ACTN2: variants seen among roughly 807,000 people sequenced by gnomAD.
ACTN2 encodes the protein actinin alpha 2.
In ACTN2, 39 loss-of-function variants were observed where a neutral mutation model predicts 113.8. The ratio of observed to expected loss-of-function variants is 0.34; its 90% CI spans 0.27 to 0.45. The LOEUF (loss-of-function observed/expected upper bound fraction) is 0.45. ACTN2 is among the 20% of genes least tolerant of loss of function. ACTN2 has a pLI of 1.00. For synonymous variants in ACTN2, 429 were observed against 444.1 expected, an observed-to-expected ratio of 0.97 and a Z score of 0.43; for missense variants, 992 against 1,177.9, an observed-to-expected ratio of 0.84 and a Z score of 2.31.
intron 1 of ACTN2, among the ~76,000 whole-genome samples, chr1:236,707,396 G>C (rs1242215618): frequency 6.6e-6 from 1 of 152,186 alleles, no homozygotes; most frequent in East Asian, 1.9e-4. Flanking sequence ...AGTTATTGGA[G>C]GCGGAATATC....
intron 8 of ACTN2, among the ~76,000 whole-genome samples, chr1:236,736,294 G>A (rs570296765): frequency 6.6e-6 from 1 of 152,340 alleles, no homozygotes; most frequent in South Asian, 2.1e-4. Flanking sequence ...CTCCTTGGAG[G>A]ATCTTGATAG....
chr1:236,743,086 T>A (rs112534044), intron 11 of ACTN2, 43 bp downstream of exon 11: 16 of 1,611,158 alleles, frequency 9.9e-6, no homozygotes, highest in African/African-American at 9.3e-5. Context: ...AAAACCAGAG[T>A]TGAGCCATGC....
At position 236,757,486 on chromosome 1, in the gene ACTN2, C is replaced by G; in HGVS notation, c.2155C>G (p.His719Asp). The stretch of plus-strand genomic sequence containing the variant: ...GATCTTTCCCCTTTTCCCTCAATAG[C>G]ACATTCGTGTTGGATGGGAGCTGCT... ...DNKHTNYTME[H>D]IRVGWELLLT... Residue 719 changes from histidine to aspartate, a missense_variant and splice_region_variant, in exon 18 of 21, where the codon CAC becomes GAC. Coordinates refer to ENST00000366578, the MANE Select transcript of ACTN2 (RefSeq NM_001103.4). 6.2e-7 allele frequency: 1 copy of G among 1,614,112 alleles called. No homozygotes were observed. Among genetic ancestry groups the G allele is most frequent in the Non-Finnish European group, 8.5e-7 (1 of 1,180,002 alleles).
intron 7 of ACTN2, among the ~76,000 whole-genome samples, chr1:236,735,225 C>T (rs952509021): frequency 6.6e-6 from 1 of 152,140 alleles, no homozygotes; most frequent in South Asian, 2.1e-4. Flanking sequence ...GAATATTCCC[C>T]GCATCTTGCA....
intron 1 of ACTN2, among the ~76,000 whole-genome samples, chr1:236,709,235 T>C (rs1309230900): frequency 2.5e-5 from 2 of 80,324 alleles, no homozygotes; most frequent in Non-Finnish European, 5.9e-5. Flanking sequence ...TATATATATA[T>C]ATATATATAT....
intron 13 of ACTN2, chr1:236,748,053 C>G (rs1323967177): frequency 2.6e-6 from 1 of 385,890 alleles, no homozygotes; most frequent in Non-Finnish European, 4.9e-6. Context: ...CTGGTAGTAA[C>G]AGTACGTTTC....
chr1:236,742,968 C>A lies in ACTN2; in HGVS notation c.1180C>A (p.Arg394=). 6.2e-7 allele frequency: 1 copy of A among 1,614,106 alleles called. No individual in the cohort carries two copies. The highest frequency in any genetic ancestry group is 8.5e-7 in the Non-Finnish European group (1 of 1,180,028). The change falls in exon 11 of 21, where the codon CGG becomes AGG. Residue 394 remains arginine, a synonymous_variant. Coordinates refer to ENST00000366578, the MANE Select transcript of ACTN2 (RefSeq NM_001103.4). ...CGAGGAGTGGTTGCTCAATGAGATT[C>A]GGAGACTGGAGCGCTTGGAACACCT... The part of the protein sequence containing the change: ...GYEEWLLNEI[R]RLERLEHLAE...
chr1:236,717,007 G>C (rs995270540), intron 1 of ACTN2, among the ~76,000 whole-genome samples: 2 of 151,650 alleles, frequency 1.3e-5, no homozygotes, highest in Non-Finnish European at 2.9e-5. Flanking sequence ...GCTAATTTTT[G>C]TATTTTTAGT....
intron 11 of ACTN2, among the ~76,000 whole-genome samples, chr1:236,743,796 T>C (rs1447839722): frequency 6.6e-6 from 1 of 152,204 alleles, no homozygotes; most frequent in South Asian, 2.1e-4. Context: ...TTCTGATGCA[T>C]AGCAGCTGTG....
intron 1 of ACTN2, 26 bp downstream of exon 1, chr1:236,686,825 G>A (rs771748768): frequency 8.3e-6 from 12 of 1,450,624 alleles, no homozygotes; most frequent in Non-Finnish European, 1.0e-5. Context: ...CGGGCCGCCC[G>A]CGCGTGGTGG....
Position 236,758,780 on chromosome 1 carries a change from T to C in ACTN2, c.2302-944T>C, listed in dbSNP as rs568594746. 1.2e-4 allele frequency among the ~76,000 whole-genome samples: 19 copies of C among 152,166 alleles called. No homozygotes were observed. In the East Asian group the frequency reaches 2.5e-3, roughly 20 times the overall value. ...GATTACAGGCATATGCCACCATGCC[T>C]GGCTAATTTTTTGTATTTTTACTAG... On this transcript the variant is annotated intron_variant, in intron 18 of 20. Transcript: ENST00000366578.
At chr1:236,742,821 A>G in intron 10 of ACTN2, 75 bp from the exon 11 acceptor site, 1 of 1,581,558 alleles carries the variant, frequency 6.3e-7, no homozygotes, top group Non-Finnish European at 8.7e-7. Flanking sequence ...GGATTTATAG[A>G]AGAAGCCTGA....
intron 8 of ACTN2, among the ~76,000 whole-genome samples, 194 bp downstream of exon 8, chr1:236,735,914 G>A (rs1304653740): frequency 1.3e-5 from 2 of 152,124 alleles, no homozygotes; most frequent in African/African-American, 2.4e-5. Flanking sequence ...GACAGTTCCT[G>A]AAATGTTTTT....
At chr1:236,693,837 T>G (rs1267704064) in intron 1 of ACTN2, among the ~76,000 whole-genome samples, 3 of 152,220 alleles carry the variant, frequency 2.0e-5, no homozygotes. Context: ...CTGATTCAAG[T>G]GTCTCTGTGG....
chr1:236,743,667 G>GA (rs1659141241), intron 11 of ACTN2, among the ~76,000 whole-genome samples: 1 of 151,430 alleles, frequency 6.6e-6, no homozygotes, highest in Non-Finnish European at 1.5e-5. Flanking sequence ...TCTGTTTTGA[G>GA]ATTGGGGAGA....
At chr1:236,713,499 T>C (rs990990878) in intron 1 of ACTN2, among the ~76,000 whole-genome samples, 10 of 152,230 alleles carry the variant, frequency 6.6e-5, no homozygotes, top group African/African-American at 2.2e-4. Context: ...AGTGCTGGGA[T>C]TACAGGCATG....
chr1:236,720,034 T>A, intron 3 of ACTN2, 71 bp from the exon 4 acceptor site: 1 of 1,050,942 alleles, frequency 9.5e-7, no homozygotes, highest in Non-Finnish European at 1.5e-6. Context: ...AAGTCAACAT[T>A]TATATATAGG....
At chr1:236,698,551 G>A (rs1335853482) in intron 1 of ACTN2, among the ~76,000 whole-genome samples, 1 of 152,184 alleles carries the variant, frequency 6.6e-6, no homozygotes, top group East Asian at 1.9e-4. Context: ...TTTATAGACT[G>A]TAATATTTCC....
intron 7 of ACTN2, 35 bp from the exon 8 acceptor site, chr1:236,735,600 G>T: frequency 6.5e-7 from 1 of 1,535,678 alleles, no homozygotes; most frequent in South Asian, 1.1e-5. Flanking sequence ...GTGTGTGTGT[G>T]TGCGCGCGTC....
Sources: gnomAD v4.1 joint callset for allele counts (sites outside exome capture counted in the v4.1 genomes callset) on GRCh38, gnomAD v4.1.1 for gene constraint, MANE v1.5 for transcripts, NCBI Gene and HGNC (gene_info 2026-07-23, HGNC 2026-07-21) for gene names.